The following MAP2 variants were observed in gnomAD, a reference collection of about 807,000 sequenced individuals.
MAP2 encodes the protein microtubule associated protein 2, also known as microtubule-associated protein 2.
In MAP2, 14 loss-of-function variants were observed where a neutral mutation model predicts 137.6. The observed-to-expected ratio is 0.10, with a 90% CI of 0.07 to 0.16. The LOEUF (loss-of-function observed/expected upper bound fraction) is 0.16, where lower values mean the gene tolerates loss of function less well. Among genes scored for constraint, MAP2 ranks in the 10% least tolerant of loss-of-function variants. The pLI, the probability that MAP2 is intolerant of heterozygous loss-of-function variation, is 1.00. For missense variants in MAP2, 2,088 were observed against 2,191.5 expected, an observed-to-expected ratio of 0.95 and a Z score of 0.94; for synonymous variants, 786 against 782.3, an observed-to-expected ratio of 1.00 and a Z score of -0.08.
In MAP2 at chr2:209,635,923, A is replaced by G. The variant is rs770127187; in HGVS notation, c.-30+10794A>G. The stretch of plus-strand genomic sequence containing the variant: ...CAAAGACAGTTTGATGTTTTCTTCT[A>G]TGTGAGATTAAGTAGCCAGCAAGAC... On this transcript the variant is annotated intron_variant, in intron 4 of 15. Coordinates refer to ENST00000682079, the MANE Select transcript of MAP2 (RefSeq NM_001375505.1). 1.4e-4 allele frequency among the ~76,000 whole-genome samples: 21 copies of G among 152,120 alleles called. 1 individual carries two copies. The highest frequency in any genetic ancestry group is 2.6e-4 in the Non-Finnish European group (18 of 68,026).
chr2:209,670,090 A>G (rs946697069), intron 5 of MAP2, among the ~76,000 whole-genome samples: 1 of 151,966 alleles, frequency 6.6e-6, no homozygotes, highest in African/African-American at 2.4e-5. Flanking sequence ...AGTACTGTCA[A>G]TTCCCTCAGT....
chr2:209,549,348 AG>A (rs1240959440), intron 2 of MAP2, among the ~76,000 whole-genome samples: 2 of 152,212 alleles, frequency 1.3e-5, no homozygotes, highest in Non-Finnish European at 2.9e-5. Context: ...GCAAGGCTTC[AG>A]AGTAAACTGA....
intron 1 of MAP2, among the ~76,000 whole-genome samples, chr2:209,492,462 A>G (rs578222523): frequency 7.9e-5 from 12 of 152,312 alleles, no homozygotes; most frequent in African/African-American, 2.2e-4. Flanking sequence ...AGATAAAGAA[A>G]TAAAGGGTAT....
At position 209,695,738 on chromosome 2, in the gene MAP2, G is replaced by C. The variant is rs773456719; in HGVS notation, c.3568G>C (p.Ala1190Pro). The part of the protein sequence containing the change: ...SEADLATDER[A>P]DVQMEFIQGP... ...GGCTGATTTAGCCACAGATGAGAGA[G>C]CTGATGTCCAGATGGAATTTATTCA... The change falls in exon 8 of 16, where the codon GCT (alanine) becomes CCT (proline). Residue 1190 changes from alanine to proline, a missense_variant. Around this residue, in one of 6 missense-constraint regions of MAP2, gnomAD observed 591 missense variants for 642.6 expected, o/e 0.92. Coordinates refer to ENST00000682079, the MANE Select transcript of MAP2 (RefSeq NM_001375505.1). The C allele has an allele frequency of 6.2e-7, 1 of 1,614,020 alleles. No individual in the cohort carries two copies. The highest frequency in any genetic ancestry group is 2.2e-5 in the East Asian group (1 of 44,874).
intron 2 of MAP2, among the ~76,000 whole-genome samples, chr2:209,563,068 C>T (rs2072548336): frequency 6.6e-6 from 1 of 152,244 alleles, no homozygotes; most frequent in African/African-American, 2.4e-5. Context: ...GACTGAGATG[C>T]CAGACCTTAA....
chr2:209,518,335 GA>G lies in MAP2; in HGVS notation c.-172+10695del, dbSNP rs770773639. ...TAACTTTGTAGAGTGACCTAGAGAA[GA>G]TATAATTGATTTTGAAGGGCTGAAT... is the stretch of plus-strand genomic sequence containing the variant. On this transcript the variant is annotated intron_variant, in intron 2 of 15. Coordinates refer to ENST00000682079, the MANE Select transcript of MAP2 (RefSeq NM_001375505.1). Among the ~76,000 whole-genome samples, 188 of 152,156 alleles carry G rather than the reference GA, an allele frequency of 1.2e-3. 1 individual carries two copies. The highest frequency in any genetic ancestry group is 2.1e-3 in the Non-Finnish European group (146 of 67,968).
rs187363943 is a variant in MAP2 at position 209,539,277 on chromosome 2, A to T, written c.-172+31636A>T. Among the ~76,000 whole-genome samples, 1,457 of 152,318 alleles carry T rather than the reference A, an allele frequency of 9.6e-3. 18 individuals carry two copies. Among genetic ancestry groups the T allele is most frequent in the African/African-American group, 0.034 (1,398 of 41,570 alleles). ...TAAATAACTTATTAAATATTAATGGAATTGCATTTCTGTAATTGTTGTGAA... is the reference window on the plus strand; with the variant it reads ...TAAATAACTTATTAAATATTAATGGTATTGCATTTCTGTAATTGTTGTGAA... On this transcript the variant is annotated intron_variant, in intron 2 of 15. Transcript: ENST00000682079.
At chr2:209,634,334 A>G (rs1008784856) in intron 4 of MAP2, among the ~76,000 whole-genome samples, 5 of 152,172 alleles carry the variant, frequency 3.3e-5, no homozygotes, top group Non-Finnish European at 4.4e-5. Flanking sequence ...AAACAGATCT[A>G]GAAATGTGTT....
At chr2:209,456,631 T>A (rs1458423368) in intron 1 of MAP2, among the ~76,000 whole-genome samples, 1 of 152,214 alleles carries the variant, frequency 6.6e-6, no homozygotes, top group Non-Finnish European at 1.5e-5. Context: ...CTACTTTCTC[T>A]GTTCCATTTA....
In MAP2 at chr2:209,623,339, T is replaced by C. The variant is rs543885660; in HGVS notation, c.-106-1714T>C. 3.4e-3 allele frequency among the ~76,000 whole-genome samples: 513 copies of C among 152,300 alleles called. 2 individuals are homozygous for C. Among genetic ancestry groups the C allele is most frequent in the Non-Finnish European group, 5.9e-3 (399 of 68,020 alleles). The stretch of plus-strand genomic sequence containing the variant: ...CCATGGACCATAGTTTACTGATTCA[T>C]ATTTTATAAAATTCATTTTTTTTCT... On this transcript the variant is annotated intron_variant, in intron 3 of 15. Coordinates refer to ENST00000682079, the MANE Select transcript of MAP2 (RefSeq NM_001375505.1).
intron 2 of MAP2, chr2:209,579,608 C>G (rs912387343): frequency 6.6e-6 from 1 of 152,286 alleles, no homozygotes; most frequent in Non-Finnish European, 1.5e-5. Context: ...TTCCCCGGCA[C>G]ACACAGACAC....
In MAP2 at chr2:209,527,318, T is replaced by C. The variant is rs1317221288; in HGVS notation, c.-172+19677T>C. On this transcript the variant is annotated intron_variant, in intron 2 of 15. Coordinates refer to ENST00000682079, the MANE Select transcript of MAP2 (RefSeq NM_001375505.1). ...TTATTGTTTCACCTAACTAGAATGT[T>C]CATAGAGCAGGAACATTTTCTGTTT... Among the ~76,000 whole-genome samples the C allele has an allele frequency of 2.0e-5, 3 of 152,200 alleles. No individual in the cohort carries two copies. The East Asian group carries it at 5.8e-4, about 29-fold the overall frequency.
At chr2:209,463,140 A>G (rs1317117060) in intron 1 of MAP2, among the ~76,000 whole-genome samples, 1 of 152,170 alleles carries the variant, frequency 6.6e-6, no homozygotes, top group East Asian at 1.9e-4. Flanking sequence ...AGATGAGAAA[A>G]GGCAGGAAGA....
chr2:209,509,475 A>C (rs2061474342), intron 2 of MAP2, among the ~76,000 whole-genome samples: 1 of 151,998 alleles, frequency 6.6e-6, no homozygotes, highest in Non-Finnish European at 1.5e-5. Context: ...TGTGTGGTTT[A>C]GTATTTATTA....
chr2:209,616,849 T>TG (rs1158673982), intron 3 of MAP2, among the ~76,000 whole-genome samples: 3 of 152,124 alleles, frequency 2.0e-5, no homozygotes, highest in African/African-American at 7.2e-5. Flanking sequence ...CACCACAGGC[T>TG]GGGGGGCTTA....
chr2:209,613,941 C>T (rs1446879959), intron 3 of MAP2, among the ~76,000 whole-genome samples: 10 of 152,124 alleles, frequency 6.6e-5, no homozygotes, highest in Admixed American at 6.5e-4. Flanking sequence ...CTCATTGGCT[C>T]ACTTGCTGTG....
intron 5 of MAP2, among the ~76,000 whole-genome samples, chr2:209,654,367 G>A (rs1350183283): frequency 6.6e-6 from 1 of 152,180 alleles, no homozygotes; most frequent in Non-Finnish European, 1.5e-5. Context: ...GAGTGATAGT[G>A]TCCAACCTGA....
At chr2:209,612,232 A>G (rs1365710847) in intron 3 of MAP2, among the ~76,000 whole-genome samples, 1 of 152,196 alleles carries the variant, frequency 6.6e-6, no homozygotes, top group Non-Finnish European at 1.5e-5. Context: ...CTTTGCCAAT[A>G]TAATGTGGTC....
intron 3 of MAP2, among the ~76,000 whole-genome samples, chr2:209,593,634 A>AAAAAAAAATATATAT (rs1286103137): frequency 5.9e-5 from 2 of 33,644 alleles, no homozygotes; most frequent in Admixed American, 5.4e-4. Context: ...AAAAAAAAAA[A>AAAAAAAAATATATAT]ATATATATAT....
Sources: allele counts gnomAD v4.1 joint callset (sites outside exome capture counted in the v4.1 genomes callset), GRCh38; gene constraint gnomAD v4.1.1; regional missense constraint gnomAD v4.1.1; transcripts MANE v1.5; gene names NCBI Gene and HGNC (gene_info 2026-07-23, HGNC 2026-07-21).